The following TRPM3 variants were observed in gnomAD, a reference collection of about 807,000 sequenced individuals.
TRPM3 encodes transient receptor potential cation channel subfamily M member 3.
Under a neutral mutation model 181.2 loss-of-function variants are expected in TRPM3, and 77 were observed. That is an observed-to-expected ratio of 0.42 (90% confidence interval 0.35 to 0.51). TRPM3 has a LOEUF of 0.51. Ranked by LOEUF, TRPM3 falls within the 20% of genes least tolerant of loss-of-function variation. TRPM3 has a pLI of 0.01. For missense variants in TRPM3, 1,759 were observed against 2,196.7 expected (o/e 0.80, Z 3.98); for synonymous variants, 745 against 796.4 (o/e 0.94, Z 1.09).
chr9:70,571,746 A>G (rs146882769), intron 22 of TRPM3, among the ~76,000 whole-genome samples: 7 of 152,328 alleles, frequency 4.6e-5, no homozygotes, highest in Non-Finnish European at 1.0e-4. Flanking sequence ...AGTGCTTGAT[A>G]TGTAGAAAGC....
At position 71,332,565 on chromosome 9, in the gene TRPM3, C is replaced by CAAA. The variant is rs142605562; in HGVS notation, c.183+114085_183+114087dup. ...TGCAGTAGATTCTACTCTGATGAAC[C>CAAA]AAAAAAAAACAAAAATGTGAAATCA... On this transcript the variant is annotated intron_variant, in intron 1 of 24. Transcript: ENST00000357533. 1.4e-5 allele frequency among the ~76,000 whole-genome samples: 2 copies of CAAA among 146,492 alleles called. 1 individual carries two copies. Among genetic ancestry groups the CAAA allele is most frequent in the South Asian group, 4.4e-4 (2 of 4,548 alleles).
At chr9:70,820,171 A>C (rs770272819) in intron 6 of TRPM3, among the ~76,000 whole-genome samples, 11 of 152,180 alleles carry the variant, frequency 7.2e-5, no homozygotes, top group Non-Finnish European at 1.6e-4. Flanking sequence ...CTGAGGCAGG[A>C]GGGACAACTA....
intron 19 of TRPM3, among the ~76,000 whole-genome samples, chr9:70,606,458 C>CTATAA (rs766972854): frequency 3.3e-4 from 50 of 152,180 alleles, no homozygotes; most frequent in Middle Eastern, 6.8e-3. Flanking sequence ...CATAGTCAAG[C>CTATAA]TATAATATAA....
chr9:70,835,503 G>A (rs922342312), intron 5 of TRPM3, among the ~76,000 whole-genome samples: 1 of 151,622 alleles, frequency 6.6e-6, no homozygotes, highest in Non-Finnish European at 1.5e-5. Context: ...TTCCTTCCCT[G>A]GGCTCTAATC....
At chr9:70,752,041 TGTGTGTGTGC>T (rs879823861) in intron 8 of TRPM3, among the ~76,000 whole-genome samples, 2,640 of 117,804 alleles carry the variant, frequency 0.022, 38 homozygotes, top group Non-Finnish European at 0.035. Flanking sequence ...TGTGTGTGTG[TGTGTGTGTGC>T]GCGCGCGCGC....
intron 9 of TRPM3, among the ~76,000 whole-genome samples, chr9:70,680,350 T>G (rs974380257): frequency 6.6e-6 from 1 of 152,182 alleles, no homozygotes; most frequent in African/African-American, 2.4e-5. Context: ...TGGTAGCACA[T>G]GATGGGTCCT....
At chr9:70,632,273 C>T (rs1185450438) in intron 12 of TRPM3, among the ~76,000 whole-genome samples, 1 of 152,168 alleles carries the variant, frequency 6.6e-6, no homozygotes, top group Non-Finnish European at 1.5e-5. Flanking sequence ...CTGAAAATTG[C>T]TGAAAGTCAC....
intron 1 of TRPM3, among the ~76,000 whole-genome samples, chr9:71,310,140 G>A (rs2087775494): frequency 6.6e-6 from 1 of 151,924 alleles, no homozygotes; most frequent in Admixed American, 6.6e-5. Flanking sequence ...AAAAGCACAG[G>A]ATAAGAATTT....
At chr9:70,579,651 C>G (rs902184104) in intron 22 of TRPM3, among the ~76,000 whole-genome samples, 7 of 152,144 alleles carry the variant, frequency 4.6e-5, no homozygotes, top group African/African-American at 1.2e-4. Context: ...CTAGGAAGCC[C>G]GTGCCCGCAG....
chr9:71,086,874 G>A (rs1029470144), intron 1 of TRPM3, among the ~76,000 whole-genome samples: 6 of 152,012 alleles, frequency 3.9e-5, no homozygotes, highest in African/African-American at 1.4e-4. Context: ...TTTGCACTGA[G>A]AATTAGTGCC....
At chr9:71,144,171 G>C (rs905512702) in intron 1 of TRPM3, among the ~76,000 whole-genome samples, 14 of 152,062 alleles carry the variant, frequency 9.2e-5, no homozygotes, top group African/African-American at 3.4e-4. Flanking sequence ...AAAAATAAGT[G>C]AGAGTTCCAA....
intron 1 of TRPM3, among the ~76,000 whole-genome samples, chr9:71,420,737 A>G (rs12377142): frequency 0.013 from 630 of 49,338 alleles, 21 homozygotes; most frequent in Non-Finnish European, 0.021. Flanking sequence ...GAGAGAGAGA[A>G]AGAGAGAGAA....
chr9:70,778,064 C>T (rs2081772446), intron 7 of TRPM3, among the ~76,000 whole-genome samples: 1 of 151,952 alleles, frequency 6.6e-6, no homozygotes, highest in Non-Finnish European at 1.5e-5. Flanking sequence ...CAATTTTCTT[C>T]AATCTTATTT....
intron 25 of TRPM3, among the ~76,000 whole-genome samples, chr9:70,538,225 C>T (rs888477216): frequency 5.3e-5 from 8 of 152,164 alleles, no homozygotes; most frequent in African/African-American, 1.9e-4. Context: ...ATCACAGATG[C>T]CTTATATTAC....
intron 1 of TRPM3, among the ~76,000 whole-genome samples, chr9:70,871,579 C>T (rs542645815): frequency 1.2e-4 from 19 of 152,104 alleles, no homozygotes; most frequent in African/African-American, 4.3e-4. Context: ...AGCACAGCAA[C>T]TTTTTCATGT....
At chr9:71,423,437 A>G (rs946550246) in intron 1 of TRPM3, among the ~76,000 whole-genome samples, 3 of 152,088 alleles carry the variant, frequency 2.0e-5, no homozygotes, top group Non-Finnish European at 4.4e-5. Flanking sequence ...GAAAGCTGGC[A>G]TTTTCTGAGT....
intron 5 of TRPM3, among the ~76,000 whole-genome samples, chr9:70,839,134 G>T (rs1200563577): frequency 6.6e-6 from 1 of 152,192 alleles, no homozygotes; most frequent in East Asian, 1.9e-4. Flanking sequence ...TAGGATTAGA[G>T]ATGAAGTTGT....
intron 1 of TRPM3, among the ~76,000 whole-genome samples, chr9:71,097,171 TA>T (rs888502054): frequency 1.1e-4 from 16 of 152,128 alleles, no homozygotes; most frequent in African/African-American, 3.9e-4. Context: ...CTATGCTTAT[TA>T]AAAAAAGAGA....
chr9:70,874,741 A>G (rs1437761160), intron 1 of TRPM3, among the ~76,000 whole-genome samples: 1 of 151,876 alleles, frequency 6.6e-6, no homozygotes, highest in Non-Finnish European at 1.5e-5. Flanking sequence ...AATTTTGTTT[A>G]TCTCTTTGGC....
Sources: allele counts gnomAD v4.1 joint callset (sites outside exome capture counted in the v4.1 genomes callset), GRCh38; gene constraint gnomAD v4.1.1; transcripts MANE v1.5; gene names NCBI Gene and HGNC (gene_info 2026-07-23, HGNC 2026-07-21).